The following LTBP1 variants were observed in gnomAD, a reference collection of about 807,000 sequenced individuals.
LTBP1 encodes the protein latent-transforming growth factor beta-binding protein 1.
Under a neutral mutation model 207.6 loss-of-function variants are expected in LTBP1, and 129 were observed. The ratio of observed to expected loss-of-function variants is 0.62; its 90% CI spans 0.54 to 0.72. The LOEUF (loss-of-function observed/expected upper bound fraction) is 0.72, where lower values mean the gene tolerates loss of function less well. Ranked by LOEUF, LTBP1 falls within the 30% of genes least tolerant of loss-of-function variation. The probability of loss-of-function intolerance (pLI) is 0.00; values close to 1 mark genes in which losing one functional copy is unlikely to be tolerated. For synonymous variants in LTBP1, 963 were observed against 833.7 expected (o/e 1.16, Z -2.67); for missense variants, 2,281 against 2,217.2 (o/e 1.03, Z -0.58).
At chr2:33,138,940 G>C (rs1252193997) in intron 5 of LTBP1, among the ~76,000 whole-genome samples, 2 of 128,552 alleles carry the variant, frequency 1.6e-5, no homozygotes, top group Non-Finnish European at 3.1e-5. Flanking sequence ...CTCACTGCAA[G>C]CTCCGCCTCC....
In LTBP1 at chr2:33,153,675, C is replaced by A. The variant is rs149729887; in HGVS notation, c.1201+18715C>A. 2.2e-4 allele frequency among the ~76,000 whole-genome samples: 33 copies of A among 152,202 alleles called. 2 individuals carry two copies. ...TAAACGAAAAGGTAGTTTCCTAATA[C>A]ATATTTGAATTCATTTATCTCTTGC... On this transcript the variant is annotated intron_variant, in intron 5 of 33. Transcript: ENST00000404816.
At position 33,153,284 on chromosome 2, in the gene LTBP1, G is replaced by A. The variant is rs377290771; in HGVS notation, c.1201+18324G>A. Among the ~76,000 whole-genome samples, 33 of 152,226 alleles carry A rather than the reference G, an allele frequency of 2.2e-4. No homozygotes were observed. The East Asian group carries it at 2.9e-3, about 13-fold the overall frequency. On this transcript the variant is annotated intron_variant, in intron 5 of 33. Transcript: ENST00000404816. ...GAAAAGTTAAGGCCTGAAAGATTTCGAAAACTTGTAAGTGACTCTGTATTT... is the reference window on the plus strand; with the variant it reads ...GAAAAGTTAAGGCCTGAAAGATTTCAAAAACTTGTAAGTGACTCTGTATTT...
intron 4 of LTBP1, among the ~76,000 whole-genome samples, chr2:33,115,055 C>T (rs998347486): frequency 3.8e-4 from 57 of 150,782 alleles, no homozygotes; most frequent in African/African-American, 9.7e-4. Flanking sequence ...CACACACACA[C>T]ACACACACAC....
chr2:33,302,983 ACAAACAC>A (rs766416525), intron 22 of LTBP1, among the ~76,000 whole-genome samples: 21 of 149,688 alleles, frequency 1.4e-4, no homozygotes, highest in Non-Finnish European at 2.5e-4. Context: ...ACACACACAC[ACAAACAC>A]ACACAAACAC....
At chr2:33,367,566 A>G (rs1317531738) in intron 31 of LTBP1, among the ~76,000 whole-genome samples, 1 of 152,064 alleles carries the variant, frequency 6.6e-6, no homozygotes, top group African/African-American at 2.4e-5. Flanking sequence ...ATGTGTACCC[A>G]TTGTTTAGCT....
chr2:33,176,807 G>A (rs754977627), intron 5 of LTBP1, among the ~76,000 whole-genome samples: 3 of 152,068 alleles, frequency 2.0e-5, no homozygotes, highest in Admixed American at 6.6e-5. Flanking sequence ...TAGTGATTTC[G>A]ACACCTTGCA....
intron 3 of LTBP1, among the ~76,000 whole-genome samples, chr2:33,053,133 A>G (rs113789528): frequency 0.097 from 14,740 of 152,156 alleles, 937 homozygotes; most frequent in Non-Finnish European, 0.14. Context: ...AGCCTCCCAA[A>G]GTGCTGGAAT....
intron 3 of LTBP1, among the ~76,000 whole-genome samples, chr2:33,085,873 G>A (rs1301992368): frequency 1.3e-5 from 2 of 152,154 alleles, no homozygotes; most frequent in Non-Finnish European, 2.9e-5. Context: ...GTTCTGGGAG[G>A]TGACAGACTC....
intron 31 of LTBP1, among the ~76,000 whole-genome samples, chr2:33,377,862 G>A (rs1429563666): frequency 1.3e-5 from 2 of 152,084 alleles, no homozygotes; most frequent in Admixed American, 6.6e-5. Context: ...GAGAAAGAGC[G>A]AGGAAGTGCC....
intron 5 of LTBP1, among the ~76,000 whole-genome samples, chr2:33,179,484 A>G (rs570189966): frequency 6.3e-4 from 96 of 151,902 alleles, no homozygotes; most frequent in African/African-American, 2.0e-3. Context: ...ATGCTCACTG[A>G]TGGGGAGTGT....
intron 24 of LTBP1, among the ~76,000 whole-genome samples, chr2:33,332,720 C>G (rs1480346178): frequency 6.6e-6 from 1 of 151,976 alleles, no homozygotes; most frequent in Non-Finnish European, 1.5e-5. Flanking sequence ...CCATGCCCAG[C>G]TAACGTTTTT....
intron 11 of LTBP1, among the ~76,000 whole-genome samples, chr2:33,253,956 C>G (rs2092756112): frequency 8.2e-6 from 1 of 122,338 alleles, no homozygotes; most frequent in Admixed American, 1.1e-4. Context: ...GTTGTGTGAT[C>G]TTGGCTCACT....
chr2:33,255,445 C>G (rs949395061), intron 11 of LTBP1, among the ~76,000 whole-genome samples: 13 of 152,160 alleles, frequency 8.5e-5, no homozygotes, highest in Admixed American at 5.9e-4. Context: ...GGATCTAGAA[C>G]TAGAAATACC....
intron 9 of LTBP1, among the ~76,000 whole-genome samples, chr2:33,224,025 C>A (rs947367655): frequency 6.6e-6 from 1 of 152,310 alleles, no homozygotes; most frequent in African/African-American, 2.4e-5. Flanking sequence ...TTCCTTTCTT[C>A]TCATGCACAG....
intron 5 of LTBP1, among the ~76,000 whole-genome samples, chr2:33,159,227 G>A (rs1430760547): frequency 6.6e-6 from 1 of 152,274 alleles, no homozygotes; most frequent in South Asian, 2.1e-4. Flanking sequence ...CGCAACTCAA[G>A]GGCGTCCTAT....
chr2:33,036,452 GAACGTTTTT>G (rs1438606682), intron 3 of LTBP1, among the ~76,000 whole-genome samples: 1 of 142,770 alleles, frequency 7.0e-6, no homozygotes, highest in East Asian at 2.4e-4. Context: ...GGGTCATGAT[GAACGTTTTT>G]TTTTTTCTTT....
At chr2:33,361,704 C>T (rs73927504) in intron 28 of LTBP1, among the ~76,000 whole-genome samples, 189 bp downstream of exon 28, 1 of 152,196 alleles carries the variant, frequency 6.6e-6, no homozygotes, top group Admixed American at 6.5e-5. Context: ...GTATGATGCT[C>T]GGAGTTTGAC....
At chr2:33,003,715 G>A (rs1313852924) in intron 2 of LTBP1, among the ~76,000 whole-genome samples, 3 of 152,208 alleles carry the variant, frequency 2.0e-5, no homozygotes, top group South Asian at 2.1e-4. Flanking sequence ...TAAGAGGCAT[G>A]AAAGTTGTAA....
intron 2 of LTBP1, among the ~76,000 whole-genome samples, chr2:32,960,881 G>T (rs1329179849): frequency 1.3e-5 from 2 of 152,122 alleles, no homozygotes; most frequent in Admixed American, 1.3e-4. Flanking sequence ...GAGGGCTGCT[G>T]TAATAGGTGA....
Sources: allele counts gnomAD v4.1 joint callset (sites outside exome capture counted in the v4.1 genomes callset), GRCh38; gene constraint gnomAD v4.1.1; transcripts MANE v1.5; gene names NCBI Gene and HGNC (gene_info 2026-07-23, HGNC 2026-07-21).